Variants in MYH3 observed in about 807,000 individuals in gnomAD.
MYH3 encodes the protein myosin heavy chain 3.
A neutral mutation model predicts 238.0 loss-of-function variants in MYH3; 130 were observed. That is an observed-to-expected ratio of 0.55 (90% CI 0.47 to 0.63). MYH3 has a LOEUF of 0.63. Ranked by LOEUF, MYH3 falls within the 30% of genes least tolerant of loss-of-function variation. The pLI is 0.00. For missense variants in MYH3, 1,853 were observed against 2,374.9 expected, an observed-to-expected ratio of 0.78 and a Z score of 4.57; for synonymous variants, 880 against 924.1, an observed-to-expected ratio of 0.95 and a Z score of 0.86.
the MYH3 span, among the ~76,000 whole-genome samples, chr17:10,669,125 C>T: frequency 1.3e-5 from 2 of 152,246 alleles, no homozygotes; most frequent in East Asian, 3.9e-4. Context: ...ACCTCATGTC[C>T]CAGGATGTCC....
the MYH3 span, chr17:10,676,527 CAATT>C: frequency 9.2e-5 from 14 of 152,096 alleles, no homozygotes; most frequent in Non-Finnish European, 1.6e-4. Context: ...ATGGGTACAT[CAATT>C]AGTTAACTAT....
the MYH3 span, among the ~76,000 whole-genome samples, chr17:10,669,968 C>T: frequency 6.6e-6 from 1 of 152,250 alleles, no homozygotes; most frequent in Non-Finnish European, 1.5e-5. Flanking sequence ...TCTTCTGATT[C>T]TGTGATTTAA....
intron 23 of MYH3, 31 bp downstream of exon 23, chr17:10,639,529 A>T: frequency 6.2e-7 from 1 of 1,614,136 alleles, no homozygotes; most frequent in Non-Finnish European, 8.5e-7. Context: ...CAATGACTAT[A>T]TCAAGCTAGA....
At chr17:10,660,051 T>C (rs2074468787), upstream of MYH3, among the ~76,000 whole-genome samples, 1 of 152,238 alleles carries the variant, frequency 6.6e-6, no homozygotes, top group Admixed American at 6.5e-5. Flanking sequence ...CCTACAGGCC[T>C]GGATGTGGAT....
At chr17:10,644,169 CAAA>C (rs1567558715) in intron 14 of MYH3, among the ~76,000 whole-genome samples, 179 bp downstream of exon 14, 2 of 33,450 alleles carry the variant, frequency 6.0e-5, no homozygotes, top group South Asian at 9.0e-4. Context: ...AAAAAAAAAA[CAAA>C]CAAAAAACCC....
intron 36 of MYH3, among the ~76,000 whole-genome samples, chr17:10,630,797 G>C (rs574594359): frequency 1.2e-3 from 180 of 152,186 alleles, no homozygotes; most frequent in African/African-American, 4.2e-3. Context: ...GTTGCAGTGA[G>C]CCGAGATCTC....
the MYH3 span, chr17:10,676,472 G>C: frequency 6.6e-6 from 1 of 152,156 alleles, no homozygotes; most frequent in South Asian, 2.1e-4. Context: ...AGTGGGTGGG[G>C]GGGTGCAGAC....
chr17:10,667,453 A>C, the MYH3 span, among the ~76,000 whole-genome samples: 1 of 152,154 alleles, frequency 6.6e-6, no homozygotes, highest in African/African-American at 2.4e-5. Flanking sequence ...AGGCCAAGGC[A>C]GATGGATCAC....
At chr17:10,670,806 T>C in the MYH3 span, among the ~76,000 whole-genome samples, 4 of 152,334 alleles carry the variant, frequency 2.6e-5, no homozygotes, top group Admixed American at 2.6e-4. This position sits in a 1 kb window ranked among gnomAD's most constrained non-coding sequence, Gnocchi z 7.0. Flanking sequence ...TTCAGATCAT[T>C]AAATATTAAT....
upstream of MYH3, among the ~76,000 whole-genome samples, chr17:10,657,663 G>A (rs1244235395): frequency 6.6e-6 from 1 of 152,116 alleles, no homozygotes; most frequent in East Asian, 1.9e-4. Context: ...CTAGCTATTG[G>A]GCACCAAGGA....
In MYH3 at chr17:10,654,881, C is replaced by G; in HGVS notation, c.184G>C (p.Val62Leu). Residue 62 changes from valine to leucine, a missense_variant, in exon 3 of 41, where the codon GTG (valine) becomes CTG (leucine). Val to Leu is a conservative substitution (Grantham distance 32). Transcript: ENST00000583535. This position sits in a 1 kb window ranked among gnomAD's most constrained non-coding sequence, Gnocchi z 4.5. ...IKSSQDGKVT[V>L]ETEDNRTLVV... ...CTTACCCTGTTGTCCTCAGTTTCCA[C>G]AGTGACCTTCCCATCCTGAGAACTC... 6.2e-7 allele frequency: 1 copy of G among 1,614,214 alleles called. No individual in the cohort carries two copies. Among genetic ancestry groups the G allele is most frequent in the Non-Finnish European group, 8.5e-7 (1 of 1,180,040 alleles).
intron 6 of MYH3, among the ~76,000 whole-genome samples, 155 bp from the exon 7 acceptor site, chr17:10,649,840 C>T (rs1277424198): frequency 6.6e-6 from 1 of 152,234 alleles, no homozygotes; most frequent in East Asian, 1.9e-4. Context: ...GGCAGACGCC[C>T]AGGGCACAGG....
intron 26 of MYH3, 117 bp downstream of exon 26, chr17:10,638,756 C>T (rs2074241687): frequency 9.6e-7 from 1 of 1,041,160 alleles, no homozygotes; most frequent in African/African-American, 1.6e-5. Flanking sequence ...AGAAAGGGAA[C>T]CATGAGGCAG....
chr17:10,634,744 G>T, intron 31 of MYH3, 96 bp downstream of exon 31: 1 of 1,476,092 alleles, frequency 6.8e-7, no homozygotes, highest in Non-Finnish European at 9.5e-7. Flanking sequence ...CTGCTGGTGA[G>T]GGCAGAGTCA....
chr17:10,638,641 CTAAA>C (rs2074240925), intron 26 of MYH3, among the ~76,000 whole-genome samples: 1 of 152,192 alleles, frequency 6.6e-6, no homozygotes, highest in Non-Finnish European at 1.5e-5. Context: ...TTTCCACCAA[CTAAA>C]TGTTAACTTT....
At chr17:10,639,917 C>A in intron 22 of MYH3, 79 bp downstream of exon 22, 1 of 1,588,754 alleles carries the variant, frequency 6.3e-7, no homozygotes, top group South Asian at 1.2e-5. Context: ...CAAAAATCCC[C>A]ACCAATAACT....
intron 24 of MYH3, 36 bp from the exon 25 acceptor site, chr17:10,639,225 C>T (rs374576610): frequency 6.8e-6 from 11 of 1,614,062 alleles, no homozygotes; most frequent in Non-Finnish European, 9.3e-6. Flanking sequence ...GGAACAAATG[C>T]TTTGCAAGAG....
the MYH3 span, among the ~76,000 whole-genome samples, chr17:10,670,785 T>A: frequency 6.6e-6 from 1 of 152,164 alleles, no homozygotes; most frequent in African/African-American, 2.4e-5. This position sits in a 1 kb window ranked among gnomAD's most constrained non-coding sequence, Gnocchi z 7.0. Context: ...AAAGTACATA[T>A]TGGATATCTT....
chr17:10,634,288 T>A lies in MYH3; in HGVS notation c.4357-106A>T, dbSNP rs544994902. ...TGCAGAGTTAGGGCTACACTTGGCA[T>A]CACTTGCCTGGCTCCTTGTTGTCGA... is the stretch of plus-strand genomic sequence containing the variant. On this transcript the variant is annotated intron_variant, in intron 31 of 40. Coordinates refer to ENST00000583535, the MANE Select transcript of MYH3 (RefSeq NM_002470.4). 14 of 1,345,492 alleles carry A rather than the reference T, an allele frequency of 1.0e-5. No homozygotes were observed. The East Asian group carries it at 3.2e-4, about 31-fold the overall frequency. The allele number at this position is 1,345,492 out of a possible 1,614,324, so 83.3% of individuals were successfully genotyped here. A position where few individuals can be genotyped will look rare whatever the true frequency, so the allele number is the denominator to read the frequency against.
Sources: allele counts gnomAD v4.1 joint callset (sites outside exome capture counted in the v4.1 genomes callset), GRCh38; gene constraint gnomAD v4.1.1; non-coding constraint Gnocchi (gnomAD v3.1); transcripts MANE v1.5; gene names NCBI Gene and HGNC (gene_info 2026-07-23, HGNC 2026-07-21).